Variants in SCIN observed in about 807,000 individuals in gnomAD.
The protein encoded by SCIN is scinderin, also known as adseverin.
SCIN carries 91 observed loss-of-function variants against 91.8 expected under a neutral mutation model. The ratio of observed to expected loss-of-function variants is 0.99; its 90% confidence interval spans 0.84 to 1.18. The LOEUF is 1.18. SCIN is among the 50% of genes most tolerant of loss of function. The pLI, the probability that SCIN is intolerant of heterozygous loss-of-function variation, is 0.00. For synonymous variants in SCIN, 367 were observed against 312.6 expected (o/e 1.17, Z -1.84); for missense variants, 1,087 against 863.9 (o/e 1.26, Z -3.24).
At chr7:12,594,754 G>A (rs966598720) in intron 3 of SCIN, among the ~76,000 whole-genome samples, 1 of 152,140 alleles carries the variant, frequency 6.6e-6, no homozygotes, top group Non-Finnish European at 1.5e-5. Context: ...CGCCTGTCTT[G>A]CAGGCCTTGT....
At chr7:12,592,928 C>T (rs972865404) in intron 3 of SCIN, among the ~76,000 whole-genome samples, 3 of 152,148 alleles carry the variant, frequency 2.0e-5, no homozygotes, top group East Asian at 1.9e-4. Context: ...CAGTGGGGGC[C>T]GGGAGCCGGG....
At chr7:12,619,613 C>T (rs1349014248) in intron 4 of SCIN, among the ~76,000 whole-genome samples, 1 of 152,026 alleles carries the variant, frequency 6.6e-6, no homozygotes, top group South Asian at 2.1e-4. Context: ...TGAAGCTGGT[C>T]GATTATTAAT....
chr7:12,579,393 A>G (rs1319831730), intron 2 of SCIN, among the ~76,000 whole-genome samples: 1 of 152,198 alleles, frequency 6.6e-6, no homozygotes, highest in African/African-American at 2.4e-5. Context: ...ATGACAAACG[A>G]TACTGAAACT....
rs191094873 is a variant in SCIN, at chr7:12,636,073, C to T, written c.1348C>T (p.Leu450=). 1 of 1,613,116 alleles carries T rather than the reference C, an allele frequency of 6.2e-7. No homozygotes were observed. Among genetic ancestry groups the T allele is most frequent in the Non-Finnish European group, 8.5e-7 (1 of 1,179,612 alleles). ...AGGAGCAAATGCCACACGAGATGAG[C>T]TGACAACATCTGCGTTCCTGACTGT... ...WQGANATRDE[L]TTSAFLTVQL... is the part of the protein sequence containing the mutation. The change falls in exon 10 of 16, where the codon CTG becomes TTG. Residue 450 remains leucine, a synonymous_variant. Transcript: ENST00000297029.
At chr7:12,634,187 A>G (rs1357415026) in intron 9 of SCIN, among the ~76,000 whole-genome samples, 1 of 152,204 alleles carries the variant, frequency 6.6e-6, no homozygotes, top group Admixed American at 6.5e-5. Context: ...GGATTGGTGC[A>G]AAAGTAATTG....
Position 12,604,571 on chromosome 7 carries a change from C to A in SCIN, c.574C>A (p.Gln192Lys). The A allele has an allele frequency of 1.3e-6, 2 of 1,551,904 alleles. No homozygotes were observed. The highest frequency in any genetic ancestry group is 1.2e-5 in the South Asian group (1 of 84,056). Residue 192 changes from glutamine to lysine, a missense_variant, in exon 4 of 16, where the codon CAG becomes AAG. Gln to Lys is a moderately conservative substitution (Grantham distance 53, BLOSUM62 1). Transcript: ENST00000297029. ...CNKYERLKAN[Q>K]VATGIRYNER... ...CAAATATGAACGTCTGAAGGCAAAC[C>A]AGGTAGCTACTGGCATTCGGTACAA...
In SCIN at chr7:12,584,594, G is replaced by A. The variant is rs968381592; in HGVS notation, c.516+3373G>A. ...TCAGTTTAGCCAGTTTGAAAGTGAA[G>A]AACATCATCAATATTTTGGAGAATG... On this transcript the variant is annotated intron_variant, in intron 3 of 15. Coordinates refer to ENST00000297029, the MANE Select transcript of SCIN (RefSeq NM_001112706.3). Among the ~76,000 whole-genome samples, 4 of 152,116 alleles carry A rather than the reference G, an allele frequency of 2.6e-5. No homozygotes were observed. The East Asian group carries it at 5.8e-4, about 22-fold the overall frequency.
At position 12,604,530 on chromosome 7, in the gene SCIN, G is replaced by T. The variant is rs892542928; in HGVS notation, c.533G>T (p.Cys178Phe). The T allele has an allele frequency of 1.3e-6, 2 of 1,551,548 alleles. No homozygotes were observed. Among genetic ancestry groups the T allele is most frequent in the African/African-American group, 1.4e-5 (1 of 72,986 alleles). ...IDLGTEIYQW[C>F]GSSCNKYERL... ...TTCTTTTAGGAAATTTATCAGTGGT[G>T]TGGTTCCTCGTGCAACAAATATGAA... The change falls in exon 4 of 16, where the codon TGT (cysteine) becomes TTT (phenylalanine). Residue 178 changes from cysteine (C) to phenylalanine (F), a missense_variant. By Grantham distance (205) the Cys-to-Phe change is radical. Transcript: ENST00000297029.
At chr7:12,649,077 G>C (rs1412865290) in intron 13 of SCIN, among the ~76,000 whole-genome samples, 2 of 152,042 alleles carry the variant, frequency 1.3e-5, no homozygotes, top group African/African-American at 2.4e-5. Flanking sequence ...TATGAGGGGG[G>C]TCTTATCTCT....
chr7:12,643,956 C>T (rs1018440227), intron 11 of SCIN, among the ~76,000 whole-genome samples, 182 bp from the exon 12 acceptor site: 5 of 152,088 alleles, frequency 3.3e-5, no homozygotes, highest in African/African-American at 9.7e-5. Context: ...TGACACAGAC[C>T]GAAGTGCTCC....
chr7:12,647,184 A>G (rs1324261871), intron 13 of SCIN, among the ~76,000 whole-genome samples: 1 of 152,236 alleles, frequency 6.6e-6, no homozygotes, highest in Non-Finnish European at 1.5e-5. Context: ...TAAAGAAAAA[A>G]GATCTGTTAG....
intron 5 of SCIN, among the ~76,000 whole-genome samples, chr7:12,623,963 A>G (rs1437843354): frequency 2.0e-5 from 3 of 152,206 alleles, no homozygotes; most frequent in Admixed American, 6.6e-5. Context: ...CTCATTTTCA[A>G]CAGCCTAACA....
intron 9 of SCIN, among the ~76,000 whole-genome samples, chr7:12,634,644 C>G (rs183848611): frequency 7.2e-4 from 109 of 152,292 alleles, no homozygotes; most frequent in African/African-American, 2.5e-3. Flanking sequence ...AAATGGGAAA[C>G]CTGGCTAAAA....
chr7:12,626,649 T>A lies in SCIN; in HGVS notation c.1047T>A (p.Asp349Glu). The A allele has an allele frequency of 6.4e-7, 1 of 1,556,678 alleles. No individual in the cohort carries two copies. The highest frequency in any genetic ancestry group is 8.7e-7 in the Non-Finnish European group (1 of 1,149,590). Residue 349 changes from aspartate (D) to glutamate (E), a missense_variant, in exon 8 of 16, where the codon GAT becomes GAA. Coordinates refer to ENST00000297029, the MANE Select transcript of SCIN (RefSeq NM_001112706.3). ...IFKQFFKDWR[D>E]KDQSDGFGKV... ...AACAGTTTTTTAAGGACTGGAGAGATAAAGATCAGAGTGATGGCTTCGGGA... is the reference window on the plus strand; with the variant it reads ...AACAGTTTTTTAAGGACTGGAGAGAAAAAGATCAGAGTGATGGCTTCGGGA...
In SCIN at chr7:12,609,180, T is replaced by G. The variant is rs544599672; in HGVS notation, c.666+4517T>G. Among the ~76,000 whole-genome samples the G allele has an allele frequency of 3.3e-5, 5 of 152,188 alleles. No homozygotes were observed. The East Asian group carries it at 9.6e-4, about 29-fold the overall frequency. ...AGGACACAACCATCATTAACAAGAC[T>G]GTCTGGGGAAACAGGATGTGTGCTC... On this transcript the variant is annotated intron_variant, in intron 4 of 15. Coordinates refer to ENST00000297029, the MANE Select transcript of SCIN (RefSeq NM_001112706.3).
At position 12,570,820 on chromosome 7, in the gene SCIN, C is replaced by T. The variant is rs1370856403; in HGVS notation, c.34C>T (p.Arg12Trp). ...GGAGCTATACCACGAAGAGTTCGCC[C>T]GGGCGGGCAAGCAGGCGGGGCTGCA... Reference protein sequence around the residue: ...ARELYHEEFARAGKQAGLQVW... With the variant: ...ARELYHEEFAWAGKQAGLQVW... Residue 12 changes from arginine to tryptophan, a missense_variant, in exon 1 of 16, where the codon CGG (arginine) becomes TGG (tryptophan). Coordinates refer to ENST00000297029, the MANE Select transcript of SCIN (RefSeq NM_001112706.3). The T allele has an allele frequency of 1.3e-6, 2 of 1,551,462 alleles. No individual in the cohort carries two copies. Among genetic ancestry groups the T allele is most frequent in the Non-Finnish European group, 1.7e-6 (2 of 1,146,944 alleles).
chr7:12,602,712 T>C (rs1782983817), intron 3 of SCIN, among the ~76,000 whole-genome samples: 1 of 152,226 alleles, frequency 6.6e-6, no homozygotes, highest in Non-Finnish European at 1.5e-5. Flanking sequence ...AAGAAAAATA[T>C]GGTTCTTTTT....
At chr7:12,627,426 C>T (rs948321636) in intron 8 of SCIN, among the ~76,000 whole-genome samples, 4 of 152,066 alleles carry the variant, frequency 2.6e-5, no homozygotes, top group East Asian at 1.9e-4. Context: ...CAACCTCTAG[C>T]GATACTTCTC....
At chr7:12,632,287 G>A (rs1414162878) in intron 9 of SCIN, among the ~76,000 whole-genome samples, 2 of 151,650 alleles carry the variant, frequency 1.3e-5, no homozygotes, top group Admixed American at 6.6e-5. Flanking sequence ...CACACCACAT[G>A]CCCTGCTAAT....
Sources: allele counts gnomAD v4.1 joint callset (sites outside exome capture counted in the v4.1 genomes callset), GRCh38; gene constraint gnomAD v4.1.1; transcripts MANE v1.5; gene names NCBI Gene and HGNC (gene_info 2026-07-23, HGNC 2026-07-21).